GPM6A: variants seen among roughly 807,000 people sequenced by gnomAD.
GPM6A encodes glycoprotein M6A.
In GPM6A, 7 loss-of-function variants were observed where a neutral mutation model predicts 32.1. The ratio of observed to expected loss-of-function variants is 0.22; its 90% CI spans 0.12 to 0.41. The LOEUF (loss-of-function observed/expected upper bound fraction) is 0.41. Among genes scored for constraint, GPM6A ranks in the 10% least tolerant of loss-of-function variants. GPM6A has a pLI of 1.00. For missense variants in GPM6A, 235 were observed against 347.2 expected (o/e 0.68, Z 2.57); for synonymous variants, 130 against 123.4 (o/e 1.05, Z -0.35).
At chr4:175,968,610 G>A (rs1048115626) in intron 1 of GPM6A, among the ~76,000 whole-genome samples, 6 of 151,890 alleles carry the variant, frequency 4.0e-5, no homozygotes, top group East Asian at 1.9e-4. Flanking sequence ...ATTAAAAAAC[G>A]GACAATAAAT....
intron 1 of GPM6A, among the ~76,000 whole-genome samples, chr4:175,720,224 C>T (rs144719038): frequency 0.014 from 2,083 of 152,276 alleles, 41 homozygotes; most frequent in African/African-American, 0.047. Context: ...TGCCTTTTAG[C>T]TGTTTTTGTA....
chr4:175,744,652 C>G (rs1732025206), intron 1 of GPM6A, among the ~76,000 whole-genome samples: 1 of 152,002 alleles, frequency 6.6e-6, no homozygotes, highest in African/African-American at 2.4e-5. Flanking sequence ...CATGTAAAAG[C>G]CTTCAACAGT....
At chr4:175,990,512 C>T (rs918969292) in intron 1 of GPM6A, among the ~76,000 whole-genome samples, 2 of 152,128 alleles carry the variant, frequency 1.3e-5, no homozygotes, top group African/African-American at 4.8e-5. Context: ...TACCCTGCAT[C>T]CTTCGTTACG....
chr4:175,894,335 G>A (rs1737732949), intron 1 of GPM6A, among the ~76,000 whole-genome samples: 1 of 152,056 alleles, frequency 6.6e-6, no homozygotes, highest in Admixed American at 6.6e-5. Flanking sequence ...CTAATCTATA[G>A]GAAGATACTT....
intron 3 of GPM6A, among the ~76,000 whole-genome samples, chr4:175,668,519 A>ATGTG (rs56106172): frequency 1.9e-4 from 26 of 139,348 alleles, no homozygotes; most frequent in Non-Finnish European, 3.0e-4. Context: ...TCAAACGTTT[A>ATGTG]TGTGTGTGTG....
At chr4:175,651,545 A>G (rs994572653) in intron 4 of GPM6A, among the ~76,000 whole-genome samples, 2 of 152,118 alleles carry the variant, frequency 1.3e-5, no homozygotes, top group African/African-American at 4.8e-5. Flanking sequence ...AGAGCAAAGG[A>G]ATCAAGAAAA....
chr4:175,812,014 T>G (rs1198536773), intron 1 of GPM6A, 177 bp downstream of exon 1: 2 of 543,460 alleles, frequency 3.7e-6, no homozygotes, highest in Non-Finnish European at 6.5e-6. Context: ...GATTTGCAAA[T>G]AATGACAACA....
intron 2 of GPM6A, among the ~76,000 whole-genome samples, chr4:175,677,537 T>C (rs544406771): frequency 6.6e-6 from 1 of 152,148 alleles, no homozygotes; most frequent in Admixed American, 6.5e-5. Context: ...ACTGAAAAAA[T>C]TGCAAACATG....
intron 1 of GPM6A, among the ~76,000 whole-genome samples, chr4:175,769,927 T>A (rs1560923492): frequency 6.6e-6 from 1 of 152,228 alleles, no homozygotes; most frequent in African/African-American, 2.4e-5. Context: ...TCCACTAAAA[T>A]ATTCAGGAAG....
chr4:175,692,835 G>A (rs2111040935), intron 2 of GPM6A, among the ~76,000 whole-genome samples: 1 of 151,954 alleles, frequency 6.6e-6, no homozygotes, highest in Non-Finnish European at 1.5e-5. Context: ...AAAAATTTTG[G>A]TAAAATATAA....
chr4:175,945,513 AAT>A (rs1462853074), intron 1 of GPM6A, among the ~76,000 whole-genome samples: 1 of 152,046 alleles, frequency 6.6e-6, no homozygotes, highest in African/African-American at 2.4e-5. Context: ...AGTTGTAAGT[AAT>A]ACACACCCAT....
intron 1 of GPM6A, among the ~76,000 whole-genome samples, chr4:175,716,348 T>C (rs1745840308): frequency 6.6e-6 from 1 of 152,202 alleles, no homozygotes. Context: ...TTTTGTGTTT[T>C]CCTCCTATAA....
At position 175,634,540 on chromosome 4, in the gene GPM6A, T is replaced by C. The variant is rs1740466466; in HGVS notation, c.*365A>G. The C allele has an allele frequency of 6.0e-6, 1 of 167,730 alleles. No individual in the cohort carries two copies. Among genetic ancestry groups the C allele is most frequent in the South Asian group, 1.7e-4 (1 of 5,798 alleles). The allele number at this position is 167,730 out of a possible 1,614,324, so 10.4% of individuals were successfully genotyped here. A position where few individuals can be genotyped will look rare whatever the true frequency, so the allele number is the denominator to read the frequency against. On this transcript the variant is annotated 3_prime_UTR_variant, in exon 7 of 7. Transcript: ENST00000393658. Reference sequence around the variant, plus strand: ...AAAAGTATAAAAAGCTATTTTCTTTTCAAAACATAAGAAATAATGCAAAAG... The same window carrying C: ...AAAAGTATAAAAAGCTATTTTCTTTCCAAAACATAAGAAATAATGCAAAAG...
At chr4:175,707,574 T>C (rs1022643615) in intron 1 of GPM6A, among the ~76,000 whole-genome samples, 1 of 152,214 alleles carries the variant, frequency 6.6e-6, no homozygotes, top group African/African-American at 2.4e-5. Context: ...TTATTTTGAG[T>C]TTGTGGATTA....
chr4:175,877,222 T>G (rs1737110367), intron 1 of GPM6A, among the ~76,000 whole-genome samples: 1 of 152,122 alleles, frequency 6.6e-6, no homozygotes, highest in Non-Finnish European at 1.5e-5. Context: ...GGGATGAAGT[T>G]TTGTCCCTGC....
intron 1 of GPM6A, among the ~76,000 whole-genome samples, chr4:175,710,229 G>A (rs1376097011): frequency 1.3e-5 from 2 of 150,482 alleles, no homozygotes; most frequent in African/African-American, 4.9e-5. Flanking sequence ...ATTTTCTTTG[G>A]GTAAATTTTC....
rs1319346541 is a variant in GPM6A, at chr4:175,746,707, A to T, written c.38-44940T>A. On this transcript the variant is annotated intron_variant, in intron 1 of 6. Coordinates refer to ENST00000393658, the MANE Select transcript of GPM6A (RefSeq NM_201591.3). ...ATGCCAAATCTGATTTGGTCTTAAA[A>T]AAACAAAGAGTTTCTTAGATCAACT... Among the ~76,000 whole-genome samples the T allele has an allele frequency of 1.2e-4, 18 of 152,190 alleles. 1 individual carries two copies. The highest frequency in any genetic ancestry group is 1.2e-3 in the Admixed American group (18 of 15,280).
intron 1 of GPM6A, among the ~76,000 whole-genome samples, chr4:175,952,995 T>C (rs1739865516): frequency 7.0e-6 from 1 of 142,386 alleles, no homozygotes; most frequent in African/African-American, 2.6e-5. Flanking sequence ...ACACTACTGC[T>C]CTCCAGTGTG....
chr4:175,655,770 A>G (rs1261984279), intron 3 of GPM6A, among the ~76,000 whole-genome samples: 2 of 152,092 alleles, frequency 1.3e-5, no homozygotes, highest in Admixed American at 6.6e-5. Flanking sequence ...CTAGTTTGAC[A>G]TATCACTTAA....
Sources: gnomAD v4.1 joint callset for allele counts (sites outside exome capture counted in the v4.1 genomes callset) on GRCh38, gnomAD v4.1.1 for gene constraint, MANE v1.5 for transcripts, NCBI Gene and HGNC (gene_info 2026-07-23, HGNC 2026-07-21) for gene names.